Variants in IGSF21 observed in about 807,000 individuals in gnomAD.
IGSF21 encodes the protein immunoglobin superfamily member 21.
Under a neutral mutation model 46.8 loss-of-function variants are expected in IGSF21, and 28 were observed. The observed-to-expected ratio is 0.60, with a 90% CI of 0.44 to 0.82. The LOEUF (loss-of-function observed/expected upper bound fraction) is 0.82. Ranked by LOEUF, IGSF21 falls within the 40% of genes least tolerant of loss-of-function variation. The pLI is 0.00. For synonymous variants in IGSF21, 284 were observed against 273.6 expected (o/e 1.04, Z -0.38); for missense variants, 624 against 665.5 (o/e 0.94, Z 0.69).
chr1:18,183,811 G>C (rs2086878511), intron 1 of IGSF21, among the ~76,000 whole-genome samples: 1 of 152,132 alleles, frequency 6.6e-6, no homozygotes, highest in African/African-American at 2.4e-5. Context: ...GTGGTGCGGG[G>C]GGAAGCTCTT....
intron 4 of IGSF21, among the ~76,000 whole-genome samples, chr1:18,350,654 C>A (rs1280152571): frequency 3.3e-5 from 5 of 151,956 alleles, no homozygotes; most frequent in Admixed American, 3.3e-4. Context: ...ATCCCCCTCC[C>A]ACAAAAAAAA....
chr1:18,376,429 G>A (rs371155225), intron 7 of IGSF21, 34 bp downstream of exon 7: 46 of 1,526,690 alleles, frequency 3.0e-5, no homozygotes, highest in Non-Finnish European at 3.9e-5. Flanking sequence ...GGAGGGTGGT[G>A]GGAGGTGGTA....
At chr1:18,373,100 C>T (rs930087552) in intron 6 of IGSF21, among the ~76,000 whole-genome samples, 3 of 152,202 alleles carry the variant, frequency 2.0e-5, no homozygotes, top group African/African-American at 7.2e-5. Context: ...TCTTATCTCC[C>T]TCCTCCATTG....
intron 1 of IGSF21, among the ~76,000 whole-genome samples, chr1:18,211,643 G>A (rs2084392331): frequency 6.6e-6 from 1 of 152,156 alleles, no homozygotes. Context: ...ATTATTTAAT[G>A]TAGGCCTATT....
chr1:18,324,182 A>G (rs1377928594), intron 3 of IGSF21, among the ~76,000 whole-genome samples: 1 of 152,226 alleles, frequency 6.6e-6, no homozygotes, highest in South Asian at 2.1e-4. Flanking sequence ...GACCCCAGGC[A>G]GTGGGCTCCC....
intron 4 of IGSF21, among the ~76,000 whole-genome samples, chr1:18,346,141 G>T (rs995647494): frequency 2.0e-5 from 3 of 152,110 alleles, no homozygotes; most frequent in African/African-American, 7.2e-5. Context: ...TTGAGGGTAG[G>T]GTCAGAACTA....
intron 1 of IGSF21, among the ~76,000 whole-genome samples, chr1:18,216,767 G>T (rs2084453164): frequency 6.6e-6 from 1 of 152,168 alleles, no homozygotes; most frequent in South Asian, 2.1e-4. Context: ...GTAGATGGTT[G>T]GGAGTGCCCA....
intron 2 of IGSF21, among the ~76,000 whole-genome samples, chr1:18,236,545 A>G (rs6660120): frequency 0.96 from 146,691 of 152,308 alleles, 70,840 homozygotes; most frequent in East Asian, 1. Context: ...TGCAGCCGCT[A>G]TTGAGGCCAC....
chr1:18,164,710 CT>C (rs2124449513), intron 1 of IGSF21, among the ~76,000 whole-genome samples: 1 of 151,556 alleles, frequency 6.6e-6, no homozygotes, highest in East Asian at 1.9e-4. Flanking sequence ...ATATTTGTTC[CT>C]TTGTTGGTAT....
At chr1:18,146,241 T>C (rs1315881678) in intron 1 of IGSF21, among the ~76,000 whole-genome samples, 2 of 152,206 alleles carry the variant, frequency 1.3e-5, no homozygotes, top group Non-Finnish European at 2.9e-5. Flanking sequence ...TCTCTTGCTA[T>C]ATTTGTGCCA....
rs1488735251 is a variant in IGSF21, at chr1:18,290,463, A to T, written c.184-1403A>T. Among the ~76,000 whole-genome samples, 1 of 152,130 alleles carries T rather than the reference A, an allele frequency of 6.6e-6. No homozygotes were observed. ...TCCCAGAGCCTGCGAAGGCCTTCTC[A>T]TGATTCTAACCATCCCCCGTCCTCA... On this transcript the variant is annotated intron_variant, in intron 2 of 9. Transcript: ENST00000251296. The surrounding 1 kb of genome is among the most constrained non-coding windows in gnomAD (Gnocchi z 4.2).
At chr1:18,291,451 G>T (rs1022894380) in intron 2 of IGSF21, among the ~76,000 whole-genome samples, 2 of 152,190 alleles carry the variant, frequency 1.3e-5, no homozygotes, top group Non-Finnish European at 2.9e-5. Flanking sequence ...TCTAATCCTG[G>T]CCCCGGGGAC....
Position 18,327,434 on chromosome 1 carries a change from C to T in IGSF21, c.306-7458C>T, listed in dbSNP as rs569820331. On this transcript the variant is annotated intron_variant, in intron 3 of 9. Coordinates refer to ENST00000251296, the MANE Select transcript of IGSF21 (RefSeq NM_032880.5). ...GCACCTCTCCCTGGGCTAACAGAGA[C>T]GATCCAGGTAGCTGCCAGGCCTTTG... is the stretch of plus-strand genomic sequence containing the variant. Among the ~76,000 whole-genome samples the T allele has an allele frequency of 7.9e-5, 12 of 152,300 alleles. No individual in the cohort carries two copies. In the East Asian group the frequency reaches 9.7e-4, roughly 12 times the overall value.
intron 1 of IGSF21, among the ~76,000 whole-genome samples, chr1:18,142,256 A>G (rs2086421516): frequency 6.6e-6 from 1 of 152,108 alleles, no homozygotes. Context: ...TAGCACCTAT[A>G]AAGGCCTTAA....
At chr1:18,199,890 C>CG (rs2087051448) in intron 1 of IGSF21, among the ~76,000 whole-genome samples, 1 of 146,706 alleles carries the variant, frequency 6.8e-6, no homozygotes, top group African/African-American at 2.4e-5. Context: ...AAGCTGCTCC[C>CG]GGCCCCCCCC....
chr1:18,215,139 G>A (rs1033634236), intron 1 of IGSF21, among the ~76,000 whole-genome samples: 1 of 152,188 alleles, frequency 6.6e-6, no homozygotes, highest in African/African-American at 2.4e-5. Context: ...CCTCCCACCA[G>A]ATCCCTCCCC....
chr1:18,207,071 T>C (rs1394250107), intron 1 of IGSF21, among the ~76,000 whole-genome samples: 1 of 152,124 alleles, frequency 6.6e-6, no homozygotes, highest in Non-Finnish European at 1.5e-5. Flanking sequence ...TCCAAACCCA[T>C]TTAAGTTGTT....
chr1:18,149,399 C>T (rs4920441), intron 1 of IGSF21, among the ~76,000 whole-genome samples: 11,956 of 152,174 alleles, frequency 0.079, 663 homozygotes, highest in Non-Finnish European at 0.12. Flanking sequence ...GTGGCCATCC[C>T]GGCACGGTTC....
chr1:18,170,245 A>G (rs1298498579), intron 1 of IGSF21, among the ~76,000 whole-genome samples: 1 of 152,146 alleles, frequency 6.6e-6, no homozygotes, highest in Non-Finnish European at 1.5e-5. Context: ...GTGAGGTCAG[A>G]AAGAGAGATT....
Sources: gnomAD v4.1 joint callset for allele counts (sites outside exome capture counted in the v4.1 genomes callset) on GRCh38, gnomAD v4.1.1 for gene constraint, Gnocchi (gnomAD v3.1) non-coding constraint, MANE v1.5 for transcripts, NCBI Gene and HGNC (gene_info 2026-07-23, HGNC 2026-07-21) for gene names.